Variants in WWTR1 observed in about 807,000 individuals in gnomAD.
WWTR1 encodes the protein WW domain containing transcription regulator 1.
A neutral mutation model predicts 40.1 loss-of-function variants in WWTR1; 13 were observed. That is an observed-to-expected ratio of 0.32 (90% confidence interval 0.21 to 0.52). The LOEUF is 0.52. Ranked by LOEUF, WWTR1 falls within the 20% of genes least tolerant of loss-of-function variation. The probability of loss-of-function intolerance (pLI) is 0.97; values close to 1 mark genes in which losing one functional copy is unlikely to be tolerated. For synonymous variants in WWTR1, 230 were observed against 210.1 expected (o/e 1.09, Z -0.82); for missense variants, 436 against 523.1 (o/e 0.83, Z 1.63).
intron 2 of WWTR1, among the ~76,000 whole-genome samples, chr3:149,641,717 C>G (rs1712181923): frequency 6.6e-6 from 1 of 152,212 alleles, no homozygotes; most frequent in South Asian, 2.1e-4. Flanking sequence ...TCCAAATTGT[C>G]CATAATGACC....
chr3:149,579,504 A>G (rs1738044204), intron 2 of WWTR1, among the ~76,000 whole-genome samples: 1 of 105,262 alleles, frequency 9.5e-6, no homozygotes, highest in Non-Finnish European at 1.8e-5. Context: ...AAGCTCTTCC[A>G]GAAGAAATGT....
chr3:149,594,309 CAA>C (rs138489470), intron 2 of WWTR1, among the ~76,000 whole-genome samples: 80 of 152,098 alleles, frequency 5.3e-4, no homozygotes, highest in African/African-American at 1.9e-3. Context: ...CCCTCCCCCT[CAA>C]AAAGACTGTA....
chr3:149,665,985 TA>T (rs1335514093), intron 2 of WWTR1, among the ~76,000 whole-genome samples: 1 of 152,188 alleles, frequency 6.6e-6, no homozygotes, highest in Non-Finnish European at 1.5e-5. Context: ...ATACGGTACA[TA>T]TTTTTTTAAT....
chr3:149,547,225 T>TAAAA (rs55910448), intron 3 of WWTR1, among the ~76,000 whole-genome samples: 3 of 134,660 alleles, frequency 2.2e-5, no homozygotes, highest in Admixed American at 1.5e-4. Flanking sequence ...ATAGTTCCAT[T>TAAAA]AAAAAAAAAA....
chr3:149,576,314 G>C, intron 2 of WWTR1: 1 of 331,378 alleles, frequency 3.0e-6, no homozygotes, highest in Non-Finnish European at 6.0e-6. Context: ...TAGTGCCTCA[G>C]GCTCCAGCTC....
chr3:149,622,502 G>GAAGGAAGAAAAGA (rs1553800283), intron 2 of WWTR1, among the ~76,000 whole-genome samples: 1 of 46,328 alleles, frequency 2.2e-5, no homozygotes, highest in African/African-American at 8.0e-5. Context: ...AGGAAGGAAG[G>GAAGGAAGAAAAGA]AAGAAAGAAA....
chr3:149,711,332 A>G (rs1362081857), intron 5 of WWTR1, among the ~76,000 whole-genome samples: 2 of 152,186 alleles, frequency 1.3e-5, no homozygotes, highest in Non-Finnish European at 2.9e-5. Context: ...GTTGAATTAA[A>G]AAAGGAAAAT....
At chr3:149,583,122 C>T (rs1462817926) in intron 2 of WWTR1, among the ~76,000 whole-genome samples, 2 of 152,116 alleles carry the variant, frequency 1.3e-5, no homozygotes, top group African/African-American at 4.8e-5. Flanking sequence ...TGTGCCACCA[C>T]ACCTGACGAA....
chr3:149,549,598 G>A (rs1281616539), intron 3 of WWTR1, among the ~76,000 whole-genome samples: 2 of 152,214 alleles, frequency 1.3e-5, no homozygotes, highest in African/African-American at 4.8e-5. Flanking sequence ...AGCACTTTGG[G>A]AGGCCGAGGC....
At chr3:149,621,314 T>C (rs1740254377) in intron 2 of WWTR1, among the ~76,000 whole-genome samples, 2 of 152,242 alleles carry the variant, frequency 1.3e-5, no homozygotes, top group African/African-American at 4.8e-5. Context: ...CACAGAAGTC[T>C]TTGTGAAACT....
chr3:149,597,574 G>T (rs1212979082), intron 2 of WWTR1, among the ~76,000 whole-genome samples: 1 of 152,134 alleles, frequency 6.6e-6, no homozygotes, highest in Non-Finnish European at 1.5e-5. Context: ...GAGCTCAAGG[G>T]AGGGTGAGGC....
In WWTR1 at chr3:149,593,851, TA is replaced by T. The variant is rs1441593648; in HGVS notation, c.432-20852del. On this transcript the variant is annotated intron_variant, in intron 2 of 6. Transcript: ENST00000360632. ...TTTGAAGGTGGGCTTTCAAAATACC[TA>T]ATTAAAATATACATATTTTGTATGG... Among the ~76,000 whole-genome samples, 16 of 152,346 alleles carry T rather than the reference TA, an allele frequency of 1.1e-4. No individual in the cohort carries two copies. In the East Asian group the frequency reaches 2.7e-3, roughly 26 times the overall value.
At chr3:149,645,769 C>A (rs1712483231) in intron 2 of WWTR1, among the ~76,000 whole-genome samples, 1 of 152,136 alleles carries the variant, frequency 6.6e-6, no homozygotes, top group Non-Finnish European at 1.5e-5. Context: ...ATTTTAATAT[C>A]TGCAGAAAAG....
chr3:149,599,771 G>T (rs963605542), intron 2 of WWTR1, among the ~76,000 whole-genome samples: 2 of 152,100 alleles, frequency 1.3e-5, no homozygotes, highest in African/African-American at 4.8e-5. Flanking sequence ...AGTATTAAGA[G>T]AAACTACAAT....
rs1014184191 is a variant in WWTR1, at chr3:149,587,767, T to C, written c.432-14767A>G. 5.3e-5 allele frequency among the ~76,000 whole-genome samples: 8 copies of C among 152,286 alleles called. 1 individual carries two copies. Among genetic ancestry groups the C allele is most frequent in the East Asian group, 3.9e-4 (2 of 5,190 alleles). ...ATTTTGAAGACAAAATTGTAAATAG[T>C]AAAATCTCCACCTCACTCTTTATAG... On this transcript the variant is annotated intron_variant, in intron 2 of 6. Coordinates refer to ENST00000360632, the MANE Select transcript of WWTR1 (RefSeq NM_015472.6).
At chr3:149,678,347 A>C (rs776073771) in intron 1 of WWTR1, among the ~76,000 whole-genome samples, 6 of 152,186 alleles carry the variant, frequency 3.9e-5, no homozygotes, top group Non-Finnish European at 8.8e-5. Context: ...GCCATCCCTT[A>C]GAACTGTGGA....
chr3:149,682,711 T>C (rs779341032), intron 1 of WWTR1, among the ~76,000 whole-genome samples: 3 of 152,226 alleles, frequency 2.0e-5, no homozygotes, highest in South Asian at 2.1e-4. Context: ...AAAAGTATAG[T>C]CTACTTTTAC....
chr3:149,593,996 T>C (rs2108036154), intron 2 of WWTR1, among the ~76,000 whole-genome samples: 1 of 152,324 alleles, frequency 6.6e-6, no homozygotes, highest in Non-Finnish European at 1.5e-5. Flanking sequence ...GGGCGCTTTT[T>C]GGAGCTGGGA....
At chr3:149,630,323 T>C (rs2108106257) in intron 2 of WWTR1, among the ~76,000 whole-genome samples, 1 of 152,320 alleles carries the variant, frequency 6.6e-6, no homozygotes, top group East Asian at 1.9e-4. Context: ...GTCATTTTGC[T>C]TTGGCCTCCA....
Sources: gnomAD v4.1 joint callset for allele counts (sites outside exome capture counted in the v4.1 genomes callset) on GRCh38, gnomAD v4.1.1 for gene constraint, MANE v1.5 for transcripts, NCBI Gene and HGNC (gene_info 2026-07-23, HGNC 2026-07-21) for gene names.